The following KHDRBS3 variants were observed in gnomAD, a reference collection of about 807,000 sequenced individuals.
KHDRBS3 encodes the protein KH RNA binding domain containing, signal transduction associated 3.
A neutral mutation model predicts 45.6 loss-of-function variants in KHDRBS3; 23 were observed. The observed-to-expected ratio is 0.50, with a 90% CI of 0.36 to 0.72. The LOEUF (loss-of-function observed/expected upper bound fraction) is 0.72, where lower values mean the gene tolerates loss of function less well. KHDRBS3 is among the 30% of genes least tolerant of loss of function. The pLI is 0.00. For synonymous variants in KHDRBS3, 162 were observed against 156.5 expected (o/e 1.04, Z -0.26); for missense variants, 352 against 424.8 (o/e 0.83, Z 1.51).
At chr8:135,552,427 A>G (rs1489505416) in intron 4 of KHDRBS3, among the ~76,000 whole-genome samples, 2 of 152,074 alleles carry the variant, frequency 1.3e-5, no homozygotes, top group Non-Finnish European at 2.9e-5. Flanking sequence ...ATTGTTGGCA[A>G]TACGCTTTTT....
chr8:135,571,842 A>C (rs551611237), intron 5 of KHDRBS3, among the ~76,000 whole-genome samples: 1 of 152,290 alleles, frequency 6.6e-6, no homozygotes, highest in African/African-American at 2.4e-5. Context: ...CTTCTCTCTA[A>C]GCCATAGTTC....
chr8:135,463,212 C>T (rs1821521220), intron 1 of KHDRBS3, among the ~76,000 whole-genome samples: 1 of 152,154 alleles, frequency 6.6e-6, no homozygotes, highest in South Asian at 2.1e-4. Flanking sequence ...TAGCATACGT[C>T]TGAGCACAGG....
intron 5 of KHDRBS3, 54 bp from the exon 6 acceptor site, chr8:135,581,824 A>G (rs983979622): frequency 1.6e-6 from 2 of 1,285,392 alleles, no homozygotes; most frequent in Non-Finnish European, 2.1e-6. Flanking sequence ...TATGTGAATA[A>G]CAGAATGTTA....
chr8:135,512,013 G>T lies in KHDRBS3; in HGVS notation c.89-9224G>T, dbSNP rs555221369. On this transcript the variant is annotated intron_variant, in intron 1 of 8. Coordinates refer to ENST00000355849, the MANE Select transcript of KHDRBS3 (RefSeq NM_006558.3). Reference sequence around the variant, plus strand: ...GTGTCTCTACTCTGCTTTGCCATTTGTTCATGGAATATTACTTGCAAGATT... The same window carrying T: ...GTGTCTCTACTCTGCTTTGCCATTTTTTCATGGAATATTACTTGCAAGATT... Among the ~76,000 whole-genome samples, 8 of 152,236 alleles carry T rather than the reference G, an allele frequency of 5.3e-5. No individual in the cohort carries two copies. In the East Asian group the frequency reaches 1.4e-3, roughly 26 times the overall value.
rs543593508 is a variant in KHDRBS3, at chr8:135,483,967, A to T, written c.88+26013A>T. On this transcript the variant is annotated intron_variant, in intron 1 of 8. Transcript: ENST00000355849. Reference sequence around the variant, plus strand: ...AAGACAGGATAGCATGGTGATGAAGATGAGGCCTCTGGAATTGGACCGCTT... The same window carrying T: ...AAGACAGGATAGCATGGTGATGAAGTTGAGGCCTCTGGAATTGGACCGCTT... Among the ~76,000 whole-genome samples the T allele has an allele frequency of 2.0e-5, 3 of 152,272 alleles. No homozygotes were observed. The East Asian group carries it at 5.8e-4, about 29-fold the overall frequency.
chr8:135,606,866 G>A (rs1458854803), intron 6 of KHDRBS3, 89 bp from the exon 7 acceptor site: 2 of 965,678 alleles, frequency 2.1e-6, no homozygotes, highest in Non-Finnish European at 3.2e-6. Flanking sequence ...AATGCTAGCT[G>A]AATTAATGGA....
chr8:135,514,598 CA>C (rs1824472793), intron 1 of KHDRBS3, among the ~76,000 whole-genome samples: 1 of 152,182 alleles, frequency 6.6e-6, no homozygotes, highest in African/African-American at 2.4e-5. Context: ...CATAGGGTTT[CA>C]CTTGTGTGAG....
At chr8:135,472,124 A>G (rs1301272086) in intron 1 of KHDRBS3, among the ~76,000 whole-genome samples, 1 of 152,202 alleles carries the variant, frequency 6.6e-6, no homozygotes, top group Non-Finnish European at 1.5e-5. Context: ...TTTTCTCTTT[A>G]TTAGAACTTC....
At chr8:135,634,759 A>C (rs1830741213) in intron 7 of KHDRBS3, among the ~76,000 whole-genome samples, 1 of 152,172 alleles carries the variant, frequency 6.6e-6, no homozygotes, top group African/African-American at 2.4e-5. Context: ...GTTATGTGAG[A>C]TCTGAGACTA....
At chr8:135,569,307 C>G (rs1410415776) in intron 5 of KHDRBS3, among the ~76,000 whole-genome samples, 1 of 152,072 alleles carries the variant, frequency 6.6e-6, no homozygotes, top group African/African-American at 2.4e-5. Flanking sequence ...AACTCTAGGC[C>G]TTGAGATAGA....
chr8:135,474,147 C>T (rs1822152253), intron 1 of KHDRBS3, among the ~76,000 whole-genome samples: 1 of 151,904 alleles, frequency 6.6e-6, no homozygotes, highest in Non-Finnish European at 1.5e-5. Flanking sequence ...CTGTAAAAGA[C>T]ACCTTTCCAG....
At chr8:135,656,217 C>G (rs1235572291) in intron 4 of KHDRBS3, 7 of 152,302 alleles carry the variant, frequency 4.6e-5, no homozygotes, top group East Asian at 3.9e-4. Context: ...TCATTTTCCT[C>G]TCTTTCAGGA....
chr8:135,479,885 T>C (rs566508769), intron 1 of KHDRBS3, among the ~76,000 whole-genome samples: 116 of 152,316 alleles, frequency 7.6e-4, no homozygotes, highest in African/African-American at 2.4e-3. Context: ...GTATCTCTTA[T>C]GAATTTAGAT....
intron 7 of KHDRBS3, among the ~76,000 whole-genome samples, chr8:135,619,434 A>C (rs1380538312): frequency 6.6e-6 from 1 of 152,158 alleles, no homozygotes; most frequent in African/African-American, 2.4e-5. Flanking sequence ...AAAACTATCC[A>C]TATTGTCTTA....
intron 7 of KHDRBS3, among the ~76,000 whole-genome samples, chr8:135,618,508 TTCTC>T (rs1830009182): frequency 6.6e-6 from 1 of 152,232 alleles, no homozygotes; most frequent in African/African-American, 2.4e-5. Flanking sequence ...GTAACTATAT[TTCTC>T]TCCTAGTTTT....
At chr8:135,552,623 G>T (rs1277457139) in intron 4 of KHDRBS3, among the ~76,000 whole-genome samples, 1 of 151,814 alleles carries the variant, frequency 6.6e-6, no homozygotes, top group Non-Finnish European at 1.5e-5. Flanking sequence ...TCTTCCCAGA[G>T]GAGTTTTTGT....
intron 6 of KHDRBS3, among the ~76,000 whole-genome samples, chr8:135,591,596 T>C (rs1172519799): frequency 5.3e-5 from 8 of 152,210 alleles, no homozygotes; most frequent in Admixed American, 5.2e-4. Flanking sequence ...TACATGGGAA[T>C]AGAGGGACCA....
At chr8:135,501,657 G>A (rs1441207179) in intron 1 of KHDRBS3, among the ~76,000 whole-genome samples, 1 of 152,030 alleles carries the variant, frequency 6.6e-6, no homozygotes, top group African/African-American at 2.4e-5. Flanking sequence ...CAAAAATGTA[G>A]CTTATCGATT....
chr8:135,611,535 T>G (rs1439525155), intron 7 of KHDRBS3, among the ~76,000 whole-genome samples: 6 of 151,864 alleles, frequency 4.0e-5, no homozygotes, highest in South Asian at 2.1e-4. Context: ...AACGCTCCAG[T>G]CTTCTTAAGT....
Sources: gnomAD v4.1 joint callset for allele counts (sites outside exome capture counted in the v4.1 genomes callset) on GRCh38, gnomAD v4.1.1 for gene constraint, MANE v1.5 for transcripts, NCBI Gene and HGNC (gene_info 2026-07-23, HGNC 2026-07-21) for gene names.